The following KCNQ1OT1 variants were observed in gnomAD, a reference collection of about 807,000 sequenced individuals.
The protein encoded by KCNQ1OT1 is KCNQ1 antisense RNA 2 (non-protein coding).
exon 1 of KCNQ1OT1, chr11:2,641,542 T>C (rs1849577001): frequency 2.5e-6 from 1 of 398,532 alleles, no homozygotes; most frequent in East Asian, 3.6e-5. Flanking sequence ...ATTAGTACCT[T>C]GTCAGATGAG....
chr11:2,648,965 T>A (rs1182422630), exon 1 of KCNQ1OT1: 1 of 394,104 alleles, frequency 2.5e-6, no homozygotes, highest in Non-Finnish European at 4.4e-6. Context: ...ACCTCCTTTG[T>A]CTCTTTTTTC....
chr11:2,678,794 G>T lies in KCNQ1OT1; in HGVS notation n.21201C>A, dbSNP rs947611164. The T allele has an allele frequency of 1.3e-5, 5 of 398,468 alleles. No homozygotes were observed. Among genetic ancestry groups the T allele is most frequent in the Admixed American group, 4.4e-5 (1 of 22,708 alleles). 24.7% of individuals were successfully genotyped at this position (398,468 alleles called of 1,614,324 possible). On this transcript the variant is annotated non_coding_transcript_exon_variant, in exon 1 of 1. Transcript: ENST00000597346. The surrounding 1 kb of genome is among the most constrained non-coding windows in gnomAD (Gnocchi z 4.9). Reference sequence around the variant, plus strand: ...TCATCGTGGCAGCTAATAATGTCAGGGAGCATGAGCACTTGTTTCTTCCAA... The same window carrying T: ...TCATCGTGGCAGCTAATAATGTCAGTGAGCATGAGCACTTGTTTCTTCCAA...
exon 1 of KCNQ1OT1, chr11:2,633,702 C>G: frequency 2.5e-6 from 1 of 398,556 alleles, no homozygotes. Context: ...TCTGGGTTCT[C>G]TATTCTGTTC....
exon 1 of KCNQ1OT1, chr11:2,667,601 G>A (rs566395407): frequency 2.5e-6 from 1 of 398,514 alleles, no homozygotes; most frequent in East Asian, 3.6e-5. Flanking sequence ...TTGGGCGGGG[G>A]GCACATCCCA....
At chr11:2,649,831 C>T (rs1849730294) in exon 1 of KCNQ1OT1, 2 of 398,302 alleles carry the variant, frequency 5.0e-6, no homozygotes, top group South Asian at 1.3e-4. Context: ...CTGTTAGTCT[C>T]TTTCTCTCCC....
exon 1 of KCNQ1OT1, chr11:2,634,187 T>C (rs1384785249): frequency 1.0e-5 from 4 of 397,304 alleles, no homozygotes; most frequent in Non-Finnish European, 1.8e-5. Context: ...TTTTTTATTA[T>C]ACTTTAAGTT....
exon 1 of KCNQ1OT1, chr11:2,643,360 T>C (rs971859284): frequency 1.5e-5 from 6 of 398,340 alleles, no homozygotes; most frequent in African/African-American, 4.1e-5. Context: ...CATATATGTT[T>C]AGAATTGTTA....
Position 2,627,427 on chromosome 11 carries a change from A to G in KCNQ1OT1, n.72568T>C, listed in dbSNP as rs375217843. On this transcript the variant is annotated non_coding_transcript_exon_variant, in exon 1 of 1. Transcript: ENST00000597346. The surrounding 1 kb of genome is among the most constrained non-coding windows in gnomAD (Gnocchi z 4.9). ...AAGAACTTATTCATCTGATAACTCT[A>G]TGTTTGTACCCTTCAACATTTCCTA... The G allele has an allele frequency of 9.8e-5, 39 of 398,288 alleles. 2 individuals carry two copies. The highest frequency in any genetic ancestry group is 6.2e-4 in the Middle Eastern group (1 of 1,608). 24.7% of individuals were successfully genotyped at this position (398,288 alleles called of 1,614,324 possible). A position where few individuals can be genotyped will look rare whatever the true frequency, so the allele number is the denominator to read the frequency against.
chr11:2,661,176 G>A lies in KCNQ1OT1; in HGVS notation n.38819C>T. 1 of 398,602 alleles carries A rather than the reference G, an allele frequency of 2.5e-6. No homozygotes were observed. Among genetic ancestry groups the A allele is most frequent in the Admixed American group, 4.4e-5 (1 of 22,720 alleles). The allele number at this position is 398,602 out of a possible 1,614,324, so 24.7% of individuals were successfully genotyped here. A position where few individuals can be genotyped will look rare whatever the true frequency, so the allele number is the denominator to read the frequency against. ...GTTGGCAGTTAACACTGATGACCTT[G>A]GGGGAGGAAAGCCATTGTGAATCTT... is the stretch of plus-strand genomic sequence containing the variant. On this transcript the variant is annotated non_coding_transcript_exon_variant, in exon 1 of 1. Coordinates refer to ENST00000597346, the Ensembl canonical transcript of KCNQ1OT1. The surrounding 1 kb of genome is among the most constrained non-coding windows in gnomAD (Gnocchi z 5.9).
chr11:2,698,329 A>G lies in KCNQ1OT1; in HGVS notation n.1666T>C. 2.5e-6 allele frequency: 1 copy of G among 398,628 alleles called. No individual in the cohort carries two copies. The highest frequency in any genetic ancestry group is 4.4e-6 in the Non-Finnish European group (1 of 226,064). 24.7% of individuals were successfully genotyped at this position (398,628 alleles called of 1,614,324 possible). ...TCATAACCAGAACAGTGCTGTGGGAAGGCACTCTTACTCTCAATTTTATAT... is the reference window on the plus strand; with the variant it reads ...TCATAACCAGAACAGTGCTGTGGGAGGGCACTCTTACTCTCAATTTTATAT... On this transcript the variant is annotated non_coding_transcript_exon_variant, in exon 1 of 1. Coordinates refer to ENST00000597346, the Ensembl canonical transcript of KCNQ1OT1. The surrounding 1 kb of genome is among the most constrained non-coding windows in gnomAD (Gnocchi z 5.1).
chr11:2,618,123 C>T (rs1031595402), exon 1 of KCNQ1OT1: 7 of 398,192 alleles, frequency 1.8e-5, no homozygotes, highest in Non-Finnish European at 2.7e-5. Context: ...CGAGCTTTTC[C>T]CCTATGTTTT....
rs747401229 is a variant in KCNQ1OT1, at chr11:2,678,309, AT to A, written n.21685del. The stretch of plus-strand genomic sequence containing the variant: ...AAATTCTTCCATGTTTTCTTCTATC[AT>A]TTTTTATTTCATTTTTTACATTTAA... On this transcript the variant is annotated non_coding_transcript_exon_variant, in exon 1 of 1. Coordinates refer to ENST00000597346, the Ensembl canonical transcript of KCNQ1OT1. The surrounding 1 kb of genome is among the most constrained non-coding windows in gnomAD (Gnocchi z 4.9). 7.5e-6 allele frequency: 3 copies of A among 398,138 alleles called. No individual in the cohort carries two copies. The highest frequency in any genetic ancestry group is 4.1e-5 in the African/African-American group (2 of 48,552). The allele number at this position is 398,138 out of a possible 1,614,324, so 24.7% of individuals were successfully genotyped here.
exon 1 of KCNQ1OT1, chr11:2,666,006 C>T (rs539426380): frequency 1.0e-4 from 40 of 398,734 alleles, no homozygotes; most frequent in South Asian, 6.4e-4. Context: ...GGAATTCACA[C>T]GTCTGCCCCA....
At chr11:2,697,605 T>A in exon 1 of KCNQ1OT1, 1 of 398,606 alleles carries the variant, frequency 2.5e-6, no homozygotes, top group Non-Finnish European at 4.4e-6. Flanking sequence ...ATCACATCAT[T>A]TTTTTCTGCC....
At chr11:2,693,627 C>T (rs994284294) in exon 1 of KCNQ1OT1, 41 of 398,502 alleles carry the variant, frequency 1.0e-4, no homozygotes, top group Middle Eastern at 6.2e-4. Context: ...TTCGCCCAGC[C>T]GTAGGAAAGG....
exon 1 of KCNQ1OT1, chr11:2,699,715 G>A (rs1361028798): frequency 7.0e-5 from 23 of 330,630 alleles, no homozygotes; most frequent in African/African-American, 1.2e-4. Context: ...ACGGCGCCGA[G>A]GAGTCCCCGG....
exon 1 of KCNQ1OT1, chr11:2,609,211 G>A: frequency 2.5e-6 from 1 of 398,148 alleles, no homozygotes; most frequent in African/African-American, 2.1e-5. Context: ...CATAAGTTCT[G>A]TTATGTTGTA....
rs1161669127 is a variant in KCNQ1OT1, at chr11:2,695,164, C to T, written n.4831G>A. On this transcript the variant is annotated non_coding_transcript_exon_variant, in exon 1 of 1. Transcript: ENST00000597346. The surrounding 1 kb of genome is among the most constrained non-coding windows in gnomAD (Gnocchi z 5.2). ...GGTTCTTGGCTTTTGGGACTCTGCA[C>T]AGAGTTGATCACAGCCCTCAGCCTA... 5.0e-6 allele frequency: 2 copies of T among 398,604 alleles called. No homozygotes were observed. The highest frequency in any genetic ancestry group is 4.4e-6 in the Non-Finnish European group (1 of 226,062). The allele number at this position is 398,604 out of a possible 1,614,324, so 24.7% of individuals were successfully genotyped here.
In KCNQ1OT1 at chr11:2,613,149, A is replaced by T; in HGVS notation, n.86846T>A. The T allele has an allele frequency of 2.5e-6, 1 of 398,504 alleles. No individual in the cohort carries two copies. The highest frequency in any genetic ancestry group is 4.4e-6 in the Non-Finnish European group (1 of 226,080). The allele number at this position is 398,504 out of a possible 1,614,324, so 24.7% of individuals were successfully genotyped here. A position where few individuals can be genotyped will look rare whatever the true frequency, so the allele number is the denominator to read the frequency against. On this transcript the variant is annotated non_coding_transcript_exon_variant, in exon 1 of 1. Coordinates refer to ENST00000597346, the Ensembl canonical transcript of KCNQ1OT1. This position sits in a 1 kb window ranked among gnomAD's most constrained non-coding sequence, Gnocchi z 4.8. ...CTTCCACCCTCTGCTGAGGGGATCT[A>T]TGTGTGGGTTGGGACATTCAAAGTT...
Sources: gnomAD v4.1 joint callset for allele counts on GRCh38, gnomAD v4.1.1 for gene constraint, Gnocchi (gnomAD v3.1) non-coding constraint, MANE v1.5 for transcripts, NCBI Gene and HGNC (gene_info 2026-07-23, HGNC 2026-07-21) for gene names.